Variants in IQCM observed in about 807,000 individuals in gnomAD.
IQCM encodes IQ motif containing M, also known as IQ domain-containing protein M.
Under a neutral mutation model 57.6 loss-of-function variants are expected in IQCM, and 45 were observed. The ratio of observed to expected loss-of-function variants is 0.78; its 90% confidence interval spans 0.62 to 1.00. IQCM has a LOEUF of 1.00. IQCM is among the 50% of genes least tolerant of loss of function. IQCM has a pLI of 0.00. For missense variants in IQCM, 468 were observed against 511.6 expected (o/e 0.91, Z 0.82); for synonymous variants, 148 against 158.9 (o/e 0.93, Z 0.51).
intron 3 of IQCM, among the ~76,000 whole-genome samples, chr4:149,739,346 T>G (rs991986398): frequency 6.6e-6 from 1 of 152,050 alleles, no homozygotes; most frequent in Non-Finnish European, 1.5e-5. Context: ...ACTTAAACAC[T>G]GTTACAAAAC....
intron 2 of IQCM, among the ~76,000 whole-genome samples, chr4:149,789,713 C>G (rs1232962404): frequency 6.6e-6 from 1 of 151,664 alleles, no homozygotes; most frequent in East Asian, 1.9e-4. Flanking sequence ...GCAGAGGTTG[C>G]AATAAGCTGA....
At chr4:149,510,595 A>G (rs2149808780) in intron 12 of IQCM, among the ~76,000 whole-genome samples, 1 of 152,324 alleles carries the variant, frequency 6.6e-6, no homozygotes, top group African/African-American at 2.4e-5. Flanking sequence ...GTATTGATAT[A>G]TTACTGATAC....
rs112048641 is a variant in IQCM, at chr4:149,799,038, A to AT, written c.-49+16272dup. On this transcript the variant is annotated intron_variant, in intron 2 of 13. Transcript: ENST00000636793. ...AAGAGCTGCAAGATATGCATCCTTT[A>AT]TTTTTTTTTTTTCACTCAGCACATG... is the stretch of plus-strand genomic sequence containing the variant. Among the ~76,000 whole-genome samples the AT allele has an allele frequency of 5.2e-3, 762 of 146,506 alleles. 3 individuals are homozygous for AT. The highest frequency in any genetic ancestry group is 8.9e-3 in the African/African-American group (361 of 40,562).
chr4:149,494,032 G>A (rs1742388694), intron 12 of IQCM, among the ~76,000 whole-genome samples: 1 of 151,460 alleles, frequency 6.6e-6, no homozygotes, highest in African/African-American at 2.4e-5. Context: ...CAAGATACAA[G>A]TCTTTTCTTT....
chr4:149,391,005 G>T (rs561173942), intron 13 of IQCM, among the ~76,000 whole-genome samples: 7 of 151,860 alleles, frequency 4.6e-5, no homozygotes, highest in Admixed American at 2.6e-4. Context: ...AGTAATCAAA[G>T]CAATGTGATA....
intron 13 of IQCM, among the ~76,000 whole-genome samples, chr4:149,427,876 G>A (rs1044536699): frequency 1.1e-4 from 17 of 151,824 alleles, no homozygotes; most frequent in African/African-American, 3.4e-4. Flanking sequence ...GGATGAATGA[G>A]GATATACCCA....
chr4:149,362,881 G>A (rs766187825), intron 13 of IQCM, among the ~76,000 whole-genome samples: 2 of 152,188 alleles, frequency 1.3e-5, no homozygotes, highest in Non-Finnish European at 2.9e-5. Context: ...TTTAGTAAGA[G>A]GAGAATGAGC....
chr4:149,699,086 A>C (rs1763562229), intron 5 of IQCM, among the ~76,000 whole-genome samples: 1 of 152,124 alleles, frequency 6.6e-6, no homozygotes, highest in African/African-American at 2.4e-5. Context: ...CATACAGTAT[A>C]AGACTATGAG....
At chr4:149,366,011 A>G (rs1302367046) in intron 13 of IQCM, among the ~76,000 whole-genome samples, 1 of 152,134 alleles carries the variant, frequency 6.6e-6, no homozygotes, top group African/African-American at 2.4e-5. Context: ...CAATTGTACC[A>G]CAGTTATCTC....
chr4:149,580,286 T>A (rs569945175), intron 9 of IQCM, among the ~76,000 whole-genome samples: 1 of 151,754 alleles, frequency 6.6e-6, no homozygotes, highest in Non-Finnish European at 1.5e-5. Context: ...GATGTGAGAA[T>A]TCTGGAGAAT....
chr4:149,569,041 T>C (rs560242474), intron 9 of IQCM, among the ~76,000 whole-genome samples: 17 of 152,292 alleles, frequency 1.1e-4, no homozygotes, highest in Non-Finnish European at 1.6e-4. Flanking sequence ...CACAGTTTCA[T>C]TCTTTCAGAA....
intron 9 of IQCM, among the ~76,000 whole-genome samples, chr4:149,576,537 C>T (rs1579554001): frequency 6.6e-6 from 1 of 151,976 alleles, no homozygotes; most frequent in African/African-American, 2.4e-5. Flanking sequence ...AGGATAATGA[C>T]CTCCAGCTAT....
At chr4:149,638,473 A>G (rs76491018) in intron 7 of IQCM, among the ~76,000 whole-genome samples, 3,779 of 152,094 alleles carry the variant, frequency 0.025, 112 homozygotes, top group South Asian at 0.15. Context: ...GAAGCTTTAT[A>G]CTAGATAAAA....
intron 13 of IQCM, among the ~76,000 whole-genome samples, chr4:149,382,511 C>T (rs867966499): frequency 9.9e-5 from 15 of 152,082 alleles, no homozygotes; most frequent in Middle Eastern, 3.4e-3. Flanking sequence ...TTTAATATGA[C>T]ACCATGGCAT....
chr4:149,716,870 G>A (rs1765048632), intron 5 of IQCM, among the ~76,000 whole-genome samples: 1 of 152,118 alleles, frequency 6.6e-6, no homozygotes, highest in Admixed American at 6.5e-5. Context: ...TGGAAATTGA[G>A]TTAATAATCA....
intron 12 of IQCM, among the ~76,000 whole-genome samples, chr4:149,451,679 T>C (rs190913377): frequency 2.1e-3 from 323 of 151,948 alleles, no homozygotes; most frequent in Non-Finnish European, 4.0e-3. Flanking sequence ...AAAAGTATTT[T>C]ACAAAATCTA....
Position 149,618,501 on chromosome 4 carries a change from T to C in IQCM, c.681+2628A>G, listed in dbSNP as rs568324039. ...TGCAATGAAAACAAAAATGGACAAA[T>C]GAGACCTCATTAAACTGAAAAGCTC... is the stretch of plus-strand genomic sequence containing the variant. On this transcript the variant is annotated intron_variant, in intron 8 of 13. Transcript: ENST00000636793. Among the ~76,000 whole-genome samples the C allele has an allele frequency of 6.6e-5, 10 of 152,128 alleles. No individual in the cohort carries two copies. The East Asian group carries it at 1.4e-3, about 21-fold the overall frequency.
At chr4:149,714,456 C>T (rs1764825809) in intron 5 of IQCM, among the ~76,000 whole-genome samples, 1 of 152,088 alleles carries the variant, frequency 6.6e-6, no homozygotes, top group Admixed American at 6.5e-5. Flanking sequence ...ACTCCAAATC[C>T]AGATATCCAA....
At chr4:149,460,709 A>T (rs931445035) in intron 12 of IQCM, among the ~76,000 whole-genome samples, 13 of 152,218 alleles carry the variant, frequency 8.5e-5, no homozygotes, top group Non-Finnish European at 1.5e-4. Context: ...GGATCAAATG[A>T]TACAACGTAT....
Sources: gnomAD v4.1 joint callset for allele counts (sites outside exome capture counted in the v4.1 genomes callset) on GRCh38, gnomAD v4.1.1 for gene constraint, MANE v1.5 for transcripts, NCBI Gene and HGNC (gene_info 2026-07-23, HGNC 2026-07-21) for gene names.